Variants in BEND5 observed in about 807,000 individuals in gnomAD.
The protein encoded by BEND5 is BEN domain containing 5.
BEND5 carries 22 observed loss-of-function variants against 43.9 expected under a neutral mutation model. The observed-to-expected ratio is 0.50, with a 90% confidence interval of 0.36 to 0.72. The LOEUF is 0.72. BEND5 is among the 30% of genes least tolerant of loss of function. BEND5 has a pLI of 0.00. For synonymous variants in BEND5, 228 were observed against 225.9 expected (o/e 1.01, Z -0.08); for missense variants, 428 against 550.6 (o/e 0.78, Z 2.23).
intron 1 of BEND5, among the ~76,000 whole-genome samples, chr1:48,766,758 ATACT>A (rs1322987811): frequency 6.6e-6 from 1 of 152,162 alleles, no homozygotes; most frequent in Non-Finnish European, 1.5e-5. Flanking sequence ...CTCCATCCTA[ATACT>A]TACCAGTCTC....
intron 3 of BEND5, among the ~76,000 whole-genome samples, chr1:48,749,014 T>C (rs989286940): frequency 2.6e-5 from 4 of 151,478 alleles, no homozygotes; most frequent in African/African-American, 9.7e-5. Flanking sequence ...AGCAGCAGAG[T>C]TGAAATGGAT....
chr1:48,746,101 C>A (rs927360311), intron 3 of BEND5, among the ~76,000 whole-genome samples: 7 of 152,136 alleles, frequency 4.6e-5, no homozygotes, highest in Non-Finnish European at 2.9e-5. Context: ...CCTCTCTGAT[C>A]TTGTTGTGTC....
chr1:48,752,153 C>T (rs1386420554), intron 3 of BEND5, among the ~76,000 whole-genome samples: 2 of 152,176 alleles, frequency 1.3e-5, no homozygotes. Flanking sequence ...ATGTAAACAT[C>T]TAACTAGACA....
chr1:48,767,861 C>T (rs1644607188), intron 1 of BEND5, among the ~76,000 whole-genome samples: 1 of 152,194 alleles, frequency 6.6e-6, no homozygotes, highest in Admixed American at 6.5e-5. Context: ...TTTCCTCCTC[C>T]TTTCTAGCTA....
In BEND5 at chr1:48,771,963, G is replaced by A. The variant is rs181364762; in HGVS notation, c.226+4643C>T. On this transcript the variant is annotated intron_variant, in intron 1 of 5. Coordinates refer to ENST00000371833, the MANE Select transcript of BEND5 (RefSeq NM_024603.4). ...GTTGAATGAAAACTTAAAATCCTAC[G>A]GCAGGTTTCTGTTCTGAAAAACAAG... Among the ~76,000 whole-genome samples, 315 of 152,228 alleles carry A rather than the reference G, an allele frequency of 2.1e-3. 2 individuals carry two copies. Among genetic ancestry groups the A allele is most frequent in the African/African-American group, 6.9e-3 (285 of 41,546 alleles).
intron 4 of BEND5, among the ~76,000 whole-genome samples, chr1:48,738,319 C>A (rs1471442519): frequency 6.6e-6 from 1 of 152,240 alleles, no homozygotes; most frequent in African/African-American, 2.4e-5. Flanking sequence ...ATAACTAGAT[C>A]CACCTGGCCT....
intron 3 of BEND5, among the ~76,000 whole-genome samples, chr1:48,746,534 A>G (rs1421416185): frequency 1.3e-5 from 2 of 152,162 alleles, no homozygotes; most frequent in African/African-American, 4.8e-5. Context: ...AAGAAAAACT[A>G]TTTTCTAAAT....
At chr1:48,744,138 G>A (rs182703098) in intron 3 of BEND5, among the ~76,000 whole-genome samples, 205 of 152,292 alleles carry the variant, frequency 1.3e-3, no homozygotes, top group Non-Finnish European at 2.2e-3. Context: ...AGGACCAATA[G>A]CATCATCATC....
intron 5 of BEND5, among the ~76,000 whole-genome samples, chr1:48,731,081 AT>A (rs1204910464): frequency 2.0e-5 from 3 of 152,132 alleles, no homozygotes; most frequent in Non-Finnish European, 4.4e-5. Flanking sequence ...AGGCTTTTCT[AT>A]TTTTTTATAT....
chr1:48,770,217 T>C (rs897505868), intron 1 of BEND5, among the ~76,000 whole-genome samples: 5 of 152,204 alleles, frequency 3.3e-5, no homozygotes, highest in African/African-American at 1.2e-4. Flanking sequence ...TACCAAAATA[T>C]CATCCCATTC....
chr1:48,728,116 G>A (rs1647466953), intron 5 of BEND5, 73 bp from the exon 6 acceptor site: 1 of 1,378,478 alleles, frequency 7.3e-7, no homozygotes, highest in South Asian at 1.4e-5. Context: ...GAGGGTAAAA[G>A]AAAATGTACC....
chr1:48,758,126 T>G lies in BEND5; in HGVS notation c.745+774A>C, dbSNP rs1644043521. On this transcript the variant is annotated intron_variant, in intron 3 of 5. Transcript: ENST00000371833. ...TAAAATAGGGTGCAATATAAGAACC[T>G]ATTAAGTTCTATGAGCAAACCAAAG... Among the ~76,000 whole-genome samples the G allele has an allele frequency of 2.6e-5, 4 of 152,248 alleles. No individual in the cohort carries two copies. The South Asian group carries it at 6.2e-4, about 24-fold the overall frequency.
chr1:48,747,547 A>T (rs1650966881), intron 3 of BEND5, among the ~76,000 whole-genome samples: 1 of 152,222 alleles, frequency 6.6e-6, no homozygotes, highest in Non-Finnish European at 1.5e-5. Flanking sequence ...TATATAGCAT[A>T]CAAATAACTC....
At chr1:48,738,690 CT>C (rs1355336564) in intron 4 of BEND5, among the ~76,000 whole-genome samples, 2 of 152,168 alleles carry the variant, frequency 1.3e-5, no homozygotes, top group Non-Finnish European at 2.9e-5. Flanking sequence ...AAAATCTCTG[CT>C]TTTTTCCCCC....
intron 3 of BEND5, among the ~76,000 whole-genome samples, chr1:48,751,912 T>A (rs895455715): frequency 4.6e-5 from 7 of 152,194 alleles, no homozygotes; most frequent in African/African-American, 1.7e-4. Flanking sequence ...TAAAATAATC[T>A]GGGATTATTT....
At chr1:48,742,932 T>A (rs1163286868) in intron 3 of BEND5, among the ~76,000 whole-genome samples, 161 bp from the exon 4 acceptor site, 1 of 152,160 alleles carries the variant, frequency 6.6e-6, no homozygotes, top group Non-Finnish European at 1.5e-5. Flanking sequence ...TAATGTGAGG[T>A]ATGAATGTCA....
chr1:48,742,792 A>G, intron 3 of BEND5, 21 bp from the exon 4 acceptor site: 1 of 1,542,236 alleles, frequency 6.5e-7, no homozygotes, highest in Non-Finnish European at 8.8e-7. Flanking sequence ...AAGAAAAGAA[A>G]TCTGTCTAGA....
chr1:48,755,345 T>G (rs1280207232), intron 3 of BEND5, among the ~76,000 whole-genome samples: 1 of 152,200 alleles, frequency 6.6e-6, no homozygotes, highest in African/African-American at 2.4e-5. Flanking sequence ...GTAGATTTCT[T>G]TTGAAAACTG....
intron 1 of BEND5, among the ~76,000 whole-genome samples, chr1:48,775,518 C>T (rs1199416671): frequency 6.6e-6 from 1 of 152,178 alleles, no homozygotes; most frequent in Non-Finnish European, 1.5e-5. Context: ...AAGGCAGGAA[C>T]ACTATTTGCC....
Sources: allele counts gnomAD v4.1 joint callset (sites outside exome capture counted in the v4.1 genomes callset), GRCh38; gene constraint gnomAD v4.1.1; transcripts MANE v1.5; gene names NCBI Gene and HGNC (gene_info 2026-07-23, HGNC 2026-07-21).